Variants in DOCK10 observed in about 807,000 individuals in gnomAD.
The protein encoded by DOCK10 is dedicator of cytokinesis 10, also known as dedicator of cytokinesis protein 10.
Under a neutral mutation model 280.1 loss-of-function variants are expected in DOCK10, and 145 were observed. The ratio of observed to expected loss-of-function variants is 0.52; its 90% CI spans 0.45 to 0.59. The LOEUF is 0.59. DOCK10 is among the 20% of genes least tolerant of loss of function. DOCK10 has a pLI of 0.00. For synonymous variants in DOCK10, 915 were observed against 942.2 expected (o/e 0.97, Z 0.53); for missense variants, 2,368 against 2,651.7 (o/e 0.89, Z 2.35).
chr2:224,879,288 G>T (rs145320455), intron 7 of DOCK10, among the ~76,000 whole-genome samples: 1 of 152,110 alleles, frequency 6.6e-6, no homozygotes, highest in South Asian at 2.1e-4. Flanking sequence ...TGTCCTCCAC[G>T]TGTCCTCACA....
intron 1 of DOCK10, among the ~76,000 whole-genome samples, chr2:224,936,259 A>G (rs573309589): frequency 1.7e-4 from 26 of 152,292 alleles, no homozygotes; most frequent in African/African-American, 6.0e-4. Flanking sequence ...AACTCACAAT[A>G]TTTTGCATAT....
At chr2:224,791,327 A>G (rs1240106814) in intron 47 of DOCK10, among the ~76,000 whole-genome samples, 1 of 152,226 alleles carries the variant, frequency 6.6e-6, no homozygotes, top group Non-Finnish European at 1.5e-5. Context: ...GAAGTGTGAC[A>G]CTAAGCAAGA....
intron 4 of DOCK10, among the ~76,000 whole-genome samples, chr2:224,887,877 T>C (rs1206201357): frequency 6.6e-6 from 1 of 152,192 alleles, no homozygotes. Flanking sequence ...GTACATTAGC[T>C]CTCTAGACTT....
chr2:224,873,444 A>G (rs1034979469), intron 11 of DOCK10, among the ~76,000 whole-genome samples: 2 of 151,864 alleles, frequency 1.3e-5, no homozygotes, highest in Non-Finnish European at 2.9e-5. Context: ...CTAGGCGGCC[A>G]TGGTGGTGCG....
chr2:225,035,587 T>TATATATAA (rs1553634969), intron 1 of DOCK10, among the ~76,000 whole-genome samples: 10 of 111,226 alleles, frequency 9.0e-5, no homozygotes, highest in East Asian at 2.4e-4. Context: ...TATATATATA[T>TATATATAA]AACACTGAAT....
intron 1 of DOCK10, among the ~76,000 whole-genome samples, chr2:224,940,323 T>C (rs1216514082): frequency 6.6e-6 from 1 of 152,234 alleles, no homozygotes; most frequent in African/African-American, 2.4e-5. Context: ...GGACTGTGTT[T>C]GTTCATTGGA....
chr2:224,783,326 G>A (rs1417972488), intron 50 of DOCK10, among the ~76,000 whole-genome samples: 1 of 150,724 alleles, frequency 6.6e-6, no homozygotes. Context: ...CCAGGCTGGA[G>A]TGCAGTGGCA....
intron 31 of DOCK10, among the ~76,000 whole-genome samples, chr2:224,812,497 G>T (rs566602036): frequency 6.6e-6 from 1 of 151,966 alleles, no homozygotes; most frequent in Non-Finnish European, 1.5e-5. Context: ...CTGCCTAATT[G>T]CCCTGGCCAG....
chr2:224,879,599 A>T (rs573458807), intron 7 of DOCK10, among the ~76,000 whole-genome samples: 1 of 152,216 alleles, frequency 6.6e-6, no homozygotes, highest in East Asian at 1.9e-4. Flanking sequence ...CTCTACTAAA[A>T]ATACAAAAAT....
At chr2:224,860,332 G>A (rs762944843) in intron 14 of DOCK10, among the ~76,000 whole-genome samples, 2 of 152,078 alleles carry the variant, frequency 1.3e-5, no homozygotes, top group Non-Finnish European at 2.9e-5. Flanking sequence ...CAGAAAAGGG[G>A]ACTTGGTGAG....
intron 27 of DOCK10, among the ~76,000 whole-genome samples, chr2:224,826,482 A>G (rs1443819879): frequency 2.0e-5 from 3 of 152,180 alleles, no homozygotes; most frequent in African/African-American, 7.2e-5. Flanking sequence ...TCCTTGGATG[A>G]TGGAAATTCC....
chr2:224,774,345 C>A (rs187062939), intron 52 of DOCK10, among the ~76,000 whole-genome samples: 105 of 152,288 alleles, frequency 6.9e-4, no homozygotes, highest in African/African-American at 2.5e-3. Context: ...ACCTTGAGGG[C>A]AAGAATCATG....
rs1265896530 is a variant in DOCK10, at chr2:224,951,250, A to G, written c.124-19582T>C. On this transcript the variant is annotated intron_variant, in intron 1 of 55. Transcript: ENST00000258390. The stretch of plus-strand genomic sequence containing the variant: ...CTGGAGTTGTGAACAAAATATATAT[A>G]TGTGTATGTATAATGGCTAAGATTC... 7.2e-5 allele frequency among the ~76,000 whole-genome samples: 11 copies of G among 152,238 alleles called. No homozygotes were observed. In the East Asian group the frequency reaches 2.1e-3, roughly 29 times the overall value.
chr2:224,805,522 T>A lies in DOCK10; in HGVS notation c.3822A>T (p.Ser1274=). Reference sequence around the variant, plus strand: ...GGTTTACTGTAGAAATAGCTATTGATGAAAATGCTGTAAACACAAGCCACA... The same window carrying A: ...GGTTTACTGTAGAAATAGCTATTGAAGAAAATGCTGTAAACACAAGCCACA... ...KDVLNSIAAF[S]SIAISTVNHA... Residue 1274 remains serine, a synonymous_variant, in exon 35 of 56, where the codon TCA becomes TCT. Coordinates refer to ENST00000258390, the MANE Select transcript of DOCK10 (RefSeq NM_014689.3). This position sits in a 1 kb window ranked among gnomAD's most constrained non-coding sequence, Gnocchi z 4.3. 6 of 1,612,200 alleles carry A rather than the reference T, an allele frequency of 3.7e-6. No individual in the cohort carries two copies. The highest frequency in any genetic ancestry group is 5.1e-6 in the Non-Finnish European group (6 of 1,178,844).
At chr2:224,929,400 G>C (rs16866354) in intron 2 of DOCK10, among the ~76,000 whole-genome samples, 1 of 152,126 alleles carries the variant, frequency 6.6e-6, no homozygotes, top group Admixed American at 6.5e-5. Flanking sequence ...GTGTGTTATA[G>C]AATAGTATGT....
At chr2:224,839,830 T>G (rs568019491) in intron 24 of DOCK10, 124 bp downstream of exon 24, 60 of 452,850 alleles carry the variant, frequency 1.3e-4, no homozygotes, top group Middle Eastern at 5.9e-4. Context: ...GGAAAATGCT[T>G]AAATTTGAGA....
chr2:224,858,003 G>A (rs1461485207), intron 14 of DOCK10, among the ~76,000 whole-genome samples: 1 of 152,074 alleles, frequency 6.6e-6, no homozygotes, highest in Non-Finnish European at 1.5e-5. Flanking sequence ...GTTAAGTAGT[G>A]AATGAGGGAA....
chr2:224,805,005 A>G lies in DOCK10; in HGVS notation c.4118+53T>C, dbSNP rs1693293310. The G allele has an allele frequency of 6.8e-7, 1 of 1,464,734 alleles. No homozygotes were observed. The highest frequency in any genetic ancestry group is 2.2e-5 in the Admixed American group (1 of 45,846). 90.7% of individuals were successfully genotyped at this position (1,464,734 alleles called of 1,614,324 possible). On this transcript the variant is annotated intron_variant, in intron 37 of 55. Transcript: ENST00000258390. The surrounding 1 kb of genome is among the most constrained non-coding windows in gnomAD (Gnocchi z 4.3). ...CTTGAAATGAAACATGGTATAGTGGACTATTTAGAAATTTCCAGAAAAAAG... is the reference window on the plus strand; with the variant it reads ...CTTGAAATGAAACATGGTATAGTGGGCTATTTAGAAATTTCCAGAAAAAAG...
In DOCK10 at chr2:224,992,207, T is replaced by G. The variant is rs559362679; in HGVS notation, c.123+50045A>C. On this transcript the variant is annotated intron_variant, in intron 1 of 55. Coordinates refer to ENST00000258390, the MANE Select transcript of DOCK10 (RefSeq NM_014689.3). ...GAACTATTAACTGTACTCTCTGTAC[T>G]TGTTCTATTTTATTTTCTGTGTTCA... 2.6e-3 allele frequency among the ~76,000 whole-genome samples: 402 copies of G among 152,374 alleles called. 1 individual carries two copies. The highest frequency in any genetic ancestry group is 9.4e-3 in the African/African-American group (392 of 41,600).
Sources: allele counts gnomAD v4.1 joint callset (sites outside exome capture counted in the v4.1 genomes callset), GRCh38; gene constraint gnomAD v4.1.1; non-coding constraint Gnocchi (gnomAD v3.1); transcripts MANE v1.5; gene names NCBI Gene and HGNC (gene_info 2026-07-23, HGNC 2026-07-21).